Variants in RPS23 observed in about 807,000 individuals in gnomAD.
RPS23 encodes the protein ribosomal protein S23.
For missense variants in RPS23, 73 were observed against 174.5 expected, an observed-to-expected ratio of 0.42 and a Z score of 3.28; for synonymous variants, 66 against 60.4, an observed-to-expected ratio of 1.09 and a Z score of -0.43.
Position 82,276,271 on chromosome 5 carries a change from A to T in RPS23, c.286-16T>A, listed in dbSNP as rs1382914072. ...CATCATTTTCCTGGAATAAAATAAG[A>T]AGTTTATTTCTGGTGTTGGTGGCGA... On this transcript the variant is annotated splice_polypyrimidine_tract_variant and intron_variant, in intron 3 of 3. Transcript: ENST00000296674. The T allele has an allele frequency of 1.1e-5, 17 of 1,613,266 alleles. No homozygotes were observed. The highest frequency in any genetic ancestry group is 1.4e-5 in the Non-Finnish European group (16 of 1,179,656).
At position 82,275,330 on chromosome 5, in the gene RPS23, T is replaced by G. The variant is rs1043205157; in HGVS notation, c.*779A>C. 1.4e-6 allele frequency: 1 copy of G among 702,628 alleles called. No individual in the cohort carries two copies. The highest frequency in any genetic ancestry group is 1.7e-5 in the African/African-American group (1 of 57,406). The allele number at this position is 702,628 out of a possible 1,614,324, so 43.5% of individuals were successfully genotyped here. A position where few individuals can be genotyped will look rare whatever the true frequency, so the allele number is the denominator to read the frequency against. ...GTATTTGTGGACAGCAAAATCCACA[T>G]GTACTCAATACCTAGCTTAAATTAT... On this transcript the variant is annotated 3_prime_UTR_variant, in exon 4 of 4. Transcript: ENST00000296674.
At position 82,273,515 on chromosome 5, in the gene RPS23, G is replaced by C. The variant is rs1010896738; in HGVS notation, c.*2594C>G. ...TCATGCACTGGTACAGAACACAACA[G>C]GGAGTTTCACAATTTTTTTATACAA... On this transcript the variant is annotated 3_prime_UTR_variant, in exon 4 of 4. Coordinates refer to ENST00000296674, the MANE Select transcript of RPS23 (RefSeq NM_001025.5). The C allele has an allele frequency of 6.7e-6, 1 of 149,002 alleles. No homozygotes were observed. Among genetic ancestry groups the C allele is most frequent in the Non-Finnish European group, 1.5e-5 (1 of 68,002 alleles). 9.2% of individuals were successfully genotyped at this position (149,002 alleles called of 1,614,324 possible).
chr5:82,275,044 G>GGCTGGAATAT lies in RPS23; in HGVS notation c.*1055_*1064dup. ...GCCAAGGAGAGAAATGGCAGGCTAA[G>GGCTGGAATAT]GCTGGAATATGCAGGTATGAAGCGC... On this transcript the variant is annotated 3_prime_UTR_variant, in exon 4 of 4. Coordinates refer to ENST00000296674, the MANE Select transcript of RPS23 (RefSeq NM_001025.5). 1.7e-6 allele frequency: 1 copy of GGCTGGAATAT among 581,510 alleles called. No individual in the cohort carries two copies. Among genetic ancestry groups the GGCTGGAATAT allele is most frequent in the South Asian group, 2.1e-5 (1 of 46,764 alleles). The allele number at this position is 581,510 out of a possible 1,614,324, so 36.0% of individuals were successfully genotyped here. A position where few individuals can be genotyped will look rare whatever the true frequency, so the allele number is the denominator to read the frequency against.
chr5:82,278,268 C>A, intron 1 of RPS23, 52 bp downstream of exon 1: 1 of 1,599,058 alleles, frequency 6.3e-7, no homozygotes. Context: ...CGCCCGTCCC[C>A]AAGACCCCAA....
Position 82,273,320 on chromosome 5 carries a change from T to C in RPS23, c.*2789A>G, listed in dbSNP as rs540101885. 2 of 149,198 alleles carry C rather than the reference T, an allele frequency of 1.3e-5. No individual in the cohort carries two copies. Among genetic ancestry groups the C allele is most frequent in the Admixed American group, 1.3e-4 (2 of 15,210 alleles). 9.2% of individuals were successfully genotyped at this position (149,198 alleles called of 1,614,324 possible). A position where few individuals can be genotyped will look rare whatever the true frequency, so the allele number is the denominator to read the frequency against. ...GAGCCGCAGACAAAACCTCTCAGAG[T>C]TGTAGAAGGAAGGGCTTTATTCAGC... is the stretch of plus-strand genomic sequence containing the variant. On this transcript the variant is annotated 3_prime_UTR_variant, in exon 4 of 4. Transcript: ENST00000296674.
In RPS23 at chr5:82,274,645, G is replaced by C. The variant is rs1036816218; in HGVS notation, c.*1464C>G. 1 of 152,574 alleles carries C rather than the reference G, an allele frequency of 6.6e-6. No individual in the cohort carries two copies. The highest frequency in any genetic ancestry group is 2.4e-5 in the African/African-American group (1 of 41,470). 9.5% of individuals were successfully genotyped at this position (152,574 alleles called of 1,614,324 possible). On this transcript the variant is annotated 3_prime_UTR_variant, in exon 4 of 4. Transcript: ENST00000296674. ...GGGCCTGGAATCGCGCTGCAACCGC[G>C]GCCTCTTTCCCTGGTTCTGGCCAGG...
Position 82,277,693 on chromosome 5 carries a change from A to G in RPS23, c.164T>C (p.Val55Ala). 6.2e-7 allele frequency: 1 copy of G among 1,613,854 alleles called. No individual in the cohort carries two copies. The highest frequency in any genetic ancestry group is 8.5e-7 in the Non-Finnish European group (1 of 1,179,834). ...AACTTGACGGGAGCAATGGACTTAC[A>G]CTTTTTCCAGCACGATTCCTTTTGC... ...SHAKGIVLEK[V>A]GVEAKQPNSA... Residue 55 changes from valine (V) to alanine (A), a missense_variant and splice_region_variant, in exon 2 of 4, where the codon GTA becomes GCA. Physicochemically the swap from Val to Ala is moderately conservative, Grantham distance 64 (BLOSUM62 0). Transcript: ENST00000296674.
rs756721186 is a variant in RPS23, at chr5:82,276,244, T to A, written c.297A>T (p.Glu99Asp). 1.1e-5 allele frequency: 18 copies of A among 1,613,392 alleles called. No individual in the cohort carries two copies. Among genetic ancestry groups the A allele is most frequent in the Non-Finnish European group, 1.3e-5 (15 of 1,179,726 alleles). ...GCLNFIEEND[E>D]VLVAGFGRKG... ...TGCGACCAAATCCAGCAACCAGAAC[T>A]TCATCATTTTCCTGGAATAAAATAA... is the stretch of plus-strand genomic sequence containing the variant. The change falls in exon 4 of 4, where the codon GAA becomes GAT. Residue 99 changes from glutamate to aspartate, a missense_variant. Physicochemically the swap from Glu to Asp is conservative, Grantham distance 45. Coordinates refer to ENST00000296674, the MANE Select transcript of RPS23 (RefSeq NM_001025.5).
rs1469566317 is a variant in RPS23, at chr5:82,275,219, C to T, written c.*890G>A. 1.4e-6 allele frequency: 1 copy of T among 702,552 alleles called. No individual in the cohort carries two copies. The highest frequency in any genetic ancestry group is 1.5e-5 in the South Asian group (1 of 67,596). The allele number at this position is 702,552 out of a possible 1,614,324, so 43.5% of individuals were successfully genotyped here. On this transcript the variant is annotated 3_prime_UTR_variant, in exon 4 of 4. Transcript: ENST00000296674. ...TTAACCCATACTTACTATTTGTTAA[C>T]AGGAGTTTCTTACATCAGATTTAAA...
intron 3 of RPS23, 29 bp from the exon 4 acceptor site, chr5:82,276,284 G>A (rs1554062807): frequency 1.2e-6 from 2 of 1,613,236 alleles, no homozygotes; most frequent in Non-Finnish European, 1.7e-6. Context: ...TTTATTTCTG[G>A]TGTTGGTGGC....
At chr5:82,277,409 T>C (rs1747889775) in intron 2 of RPS23, 2 of 433,908 alleles carry the variant, frequency 4.6e-6, no homozygotes, top group East Asian at 5.0e-5. Flanking sequence ...CATTTACTTA[T>C]AACAACTCCC....
In RPS23 at chr5:82,277,715, T is replaced by C; in HGVS notation, c.142A>G (p.Lys48Glu). 2 of 1,614,010 alleles carry C rather than the reference T, an allele frequency of 1.2e-6. No homozygotes were observed. The highest frequency in any genetic ancestry group is 1.3e-5 in the African/African-American group (1 of 75,056). The change falls in exon 2 of 4, where the codon AAA becomes GAA. Residue 48 changes from lysine (K) to glutamate (E), a missense_variant. By Grantham distance (56) the Lys-to-Glu change is moderately conservative. Coordinates refer to ENST00000296674, the MANE Select transcript of RPS23 (RefSeq NM_001025.5). ...TACACTTTTTCCAGCACGATTCCTT[T>C]TGCATGAGAAGCACCTCCAAAAGGG... ...ANPFGGASHA[K>E]GIVLEKVGVE...
Position 82,276,634 on chromosome 5 carries a change from G to A in RPS23, c.165-116C>T, listed in dbSNP as rs1747783147. 1.2e-5 allele frequency: 16 copies of A among 1,317,138 alleles called. No homozygotes were observed. In the South Asian group the frequency reaches 1.7e-4, roughly 14 times the overall value. 81.6% of individuals were successfully genotyped at this position (1,317,138 alleles called of 1,614,324 possible). ...TATCTTTTCAATCTAACCTCAAATG[G>A]CTGAGCTGAAGTCCTGTGATGTCAA... On this transcript the variant is annotated intron_variant, in intron 2 of 3. Coordinates refer to ENST00000296674, the MANE Select transcript of RPS23 (RefSeq NM_001025.5).
At chr5:82,276,358 A>G in intron 3 of RPS23, 40 bp downstream of exon 3, 4 of 1,613,572 alleles carry the variant, frequency 2.5e-6, no homozygotes, top group Non-Finnish European at 3.4e-6. Context: ...GAGGGAGGCC[A>G]CCCCAAGAAC....
chr5:82,277,613 T>C, intron 2 of RPS23, 80 bp downstream of exon 2: 1 of 1,413,854 alleles, frequency 7.1e-7, no homozygotes, highest in East Asian at 2.3e-5. Context: ...AACCTGCAAT[T>C]ACTTTCAAAA....
At position 82,276,020 on chromosome 5, in the gene RPS23, G is replaced by A; in HGVS notation, c.*89C>T. 7.9e-7 allele frequency: 1 copy of A among 1,262,958 alleles called. No homozygotes were observed. The highest frequency in any genetic ancestry group is 1.1e-6 in the Non-Finnish European group (1 of 902,442). 78.2% of individuals were successfully genotyped at this position (1,262,958 alleles called of 1,614,324 possible). On this transcript the variant is annotated 3_prime_UTR_variant, in exon 4 of 4. Transcript: ENST00000296674. ...GGGGGGTGGTGGTGGTAATGAACAT[G>A]ATCTTCGTGGTGAGAACAGGGGACA...
rs1474490169 is a variant in RPS23 at position 82,278,307 on chromosome 5, C to A, written c.4+13G>T. Reference sequence around the variant, plus strand: ...CCGCTTGCAGCGCCCTTAAACCGGCCACAACAGCTCACCCATCCTGTCGGC... The same window carrying A: ...CCGCTTGCAGCGCCCTTAAACCGGCAACAACAGCTCACCCATCCTGTCGGC... On this transcript the variant is annotated intron_variant, in intron 1 of 3. Coordinates refer to ENST00000296674, the MANE Select transcript of RPS23 (RefSeq NM_001025.5). 1 of 1,610,096 alleles carries A rather than the reference C, an allele frequency of 6.2e-7. No homozygotes were observed. Among genetic ancestry groups the A allele is most frequent in the East Asian group, 2.2e-5 (1 of 44,668 alleles).
At chr5:82,277,893 A>G in intron 1 of RPS23, 41 bp from the exon 2 acceptor site, 2 of 1,560,064 alleles carry the variant, frequency 1.3e-6, no homozygotes, top group Non-Finnish European at 1.8e-6. Flanking sequence ...AAAACACGCC[A>G]TCTACGTGTT....
At position 82,276,011 on chromosome 5, in the gene RPS23, A is replaced by G. The variant is rs1747765544; in HGVS notation, c.*98T>C. 6 of 1,149,114 alleles carry G rather than the reference A, an allele frequency of 5.2e-6. No individual in the cohort carries two copies. Among genetic ancestry groups the G allele is most frequent in the Middle Eastern group, 6.1e-4 (2 of 3,294 alleles). The allele number at this position is 1,149,114 out of a possible 1,614,324, so 71.2% of individuals were successfully genotyped here. A position where few individuals can be genotyped will look rare whatever the true frequency, so the allele number is the denominator to read the frequency against. On this transcript the variant is annotated 3_prime_UTR_variant, in exon 4 of 4. Coordinates refer to ENST00000296674, the MANE Select transcript of RPS23 (RefSeq NM_001025.5). ...AAAAATAAGGGGGGGTGGTGGTGGTAATGAACATGATCTTCGTGGTGAGAA... is the reference window on the plus strand; with the variant it reads ...AAAAATAAGGGGGGGTGGTGGTGGTGATGAACATGATCTTCGTGGTGAGAA...
Sources: allele counts gnomAD v4.1 joint callset, GRCh38; gene constraint gnomAD v4.1.1; transcripts MANE v1.5; gene names NCBI Gene and HGNC (gene_info 2026-07-23, HGNC 2026-07-21).